The following RTL1 variants were observed in gnomAD, a reference collection of about 807,000 sequenced individuals.
The protein encoded by RTL1 is retrotransposon Gag like 1.
For synonymous variants in RTL1, 727 were observed against 748.4 expected, an observed-to-expected ratio of 0.97 and a Z score of 0.47; for missense variants, 1,681 against 1,767.5, an observed-to-expected ratio of 0.95 and a Z score of 0.88.
chr14:100,898,587 A>G (rs1255259403), intron 2 of RTL1, among the ~76,000 whole-genome samples: 1 of 152,242 alleles, frequency 6.6e-6, no homozygotes, highest in African/African-American at 2.4e-5. Flanking sequence ...AAGACCCTTT[A>G]GGGTCTGTCT....
In RTL1 at chr14:100,880,546, G is replaced by T. The variant is rs2038592339; in HGVS notation, c.*166C>A. 2 of 1,354,898 alleles carry T rather than the reference G, an allele frequency of 1.5e-6. No homozygotes were observed. Among genetic ancestry groups the T allele is most frequent in the East Asian group, 2.5e-5 (1 of 39,704 alleles). 83.9% of individuals were successfully genotyped at this position (1,354,898 alleles called of 1,614,324 possible). A position where few individuals can be genotyped will look rare whatever the true frequency, so the allele number is the denominator to read the frequency against. On this transcript the variant is annotated 3_prime_UTR_variant, in exon 4 of 4. Coordinates refer to ENST00000649591, the MANE Select transcript of RTL1 (RefSeq NM_001134888.3). ...TCCGTTAGCACAGGTGGCATTGCTGGTTGATGAGTTGAAGAAGTTGTTGCC... is the reference window on the plus strand; with the variant it reads ...TCCGTTAGCACAGGTGGCATTGCTGTTTGATGAGTTGAAGAAGTTGTTGCC...
Position 100,880,162 on chromosome 14 carries a change from G to T in RTL1, c.*550C>A, listed in dbSNP as rs2038585881. Among the ~76,000 whole-genome samples the T allele has an allele frequency of 6.7e-6, 1 of 149,682 alleles. No individual in the cohort carries two copies. Among genetic ancestry groups the T allele is most frequent in the South Asian group, 2.2e-4 (1 of 4,610 alleles). ...GGTGGGTTTGCTTGCAGGGTGTGAT[G>T]GGGGTGAGGGAGGCACCACATCATC... On this transcript the variant is annotated 3_prime_UTR_variant, in exon 4 of 4. Transcript: ENST00000649591.
intron 2 of RTL1, among the ~76,000 whole-genome samples, 46 bp downstream of exon 2, chr14:100,903,245 A>G (rs561442590): frequency 6.6e-6 from 1 of 152,248 alleles, no homozygotes; most frequent in South Asian, 2.1e-4. Flanking sequence ...TATGGGACAG[A>G]CATCCATCCA....
chr14:100,886,585 A>AATC (rs917010435), intron 3 of RTL1, among the ~76,000 whole-genome samples: 5 of 152,106 alleles, frequency 3.3e-5, no homozygotes, highest in African/African-American at 4.8e-5. Context: ...GAATTATAAG[A>AATC]ATCATCATCA....
chr14:100,903,213 G>T (rs11627449), intron 2 of RTL1, among the ~76,000 whole-genome samples, 78 bp downstream of exon 2: 22,104 of 152,084 alleles, frequency 0.15, 1,785 homozygotes, highest in Non-Finnish European at 0.18. Flanking sequence ...GAAACTCAGC[G>T]GGGTCCGGGC....
At position 100,882,526 on chromosome 14, in the gene RTL1, G is replaced by A. The variant is rs770514078; in HGVS notation, c.2263C>T (p.Arg755Cys). ...CAGTAGACGTTGTGATGGCGGAAGC[G>A]GACCAGGACTTGGCGGACGTGGTGG... ...HLHHVRQVLV[R>C]FRHHNVYCSL... The change falls in exon 4 of 4, where the codon CGC becomes TGC. Residue 755 changes from arginine (R) to cysteine (C), a missense_variant. Transcript: ENST00000649591. 3.2e-6 allele frequency: 5 copies of A among 1,551,898 alleles called. No homozygotes were observed. Among genetic ancestry groups the A allele is most frequent in the East Asian group, 2.4e-5 (1 of 40,904 alleles).
In RTL1 at chr14:100,884,466, T is replaced by C. The variant is rs547270545; in HGVS notation, c.323A>G (p.Gln108Arg). 4.6e-5 allele frequency: 75 copies of C among 1,614,210 alleles called. No individual in the cohort carries two copies. Among genetic ancestry groups the C allele is most frequent in the Admixed American group, 8.3e-5 (5 of 60,030 alleles). Residue 108 changes from glutamine (Q) to arginine (R), a missense_variant, in exon 4 of 4, where the codon CAG becomes CGG. Coordinates refer to ENST00000649591, the MANE Select transcript of RTL1 (RefSeq NM_001134888.3). ...TCCACTGAGTGGATCCCCCCTTGCCTGGTGTGAACCGTTGCATGACTCCTC... is the reference window on the plus strand; with the variant it reads ...TCCACTGAGTGGATCCCCCCTTGCCCGGTGTGAACCGTTGCATGACTCCTC... ...DLEESCNGSH[Q>R]ARGDPLSGAS...
Position 100,884,721 on chromosome 14 carries a change from ATT to A in RTL1, c.66_67del (p.Gln22HisfsTer50). On this transcript the variant is annotated frameshift_variant, in exon 4 of 4. Transcript: ENST00000649591. LOFTEE classifies it low-confidence loss of function (END_TRUNC). ...GTTGGATGAGCCCTCGGAGGACTCC[ATT>A]TGTTTTGATGATGGATTCTTATGCT... 6.2e-7 allele frequency: 1 copy of A among 1,610,768 alleles called. No homozygotes were observed. Among genetic ancestry groups the A allele is most frequent in the Non-Finnish European group, 8.5e-7 (1 of 1,178,876 alleles).
chr14:100,883,432 T>A lies in RTL1; in HGVS notation c.1357A>T (p.Lys453Ter), dbSNP rs1440696821. 6.5e-7 allele frequency: 1 copy of A among 1,550,250 alleles called. No individual in the cohort carries two copies. Among genetic ancestry groups the A allele is most frequent in the Non-Finnish European group, 8.7e-7 (1 of 1,146,100 alleles). The change falls in exon 4 of 4, where the codon AAG becomes TAG. Residue 453 changes from lysine (K) to a stop codon, truncating the protein, a stop_gained. Transcript: ENST00000649591. LOFTEE classifies it low-confidence loss of function (END_TRUNC). The surrounding 1 kb of genome is among the most constrained non-coding windows in gnomAD (Gnocchi z 5.9). The part of the protein sequence containing the change: ...AQEHYVELYE[K>*]PYPQPVQSVD... ...GATTGGACCGGCTGTGGGTACGGCT[T>A]CTCGTAGAGCTCGACGTAGTGCTCT...
At position 100,882,258 on chromosome 14, in the gene RTL1, T is replaced by G. The variant is rs1214043559; in HGVS notation, c.2531A>C (p.Tyr844Ser). 1.8e-5 allele frequency: 28 copies of G among 1,551,448 alleles called. No homozygotes were observed. Among genetic ancestry groups the G allele is most frequent in the Non-Finnish European group, 2.4e-5 (28 of 1,146,996 alleles). The change falls in exon 4 of 4, where the codon TAC (tyrosine) becomes TCC (serine). Residue 844 changes from tyrosine (Y) to serine (S), a missense_variant. Transcript: ENST00000649591. The part of the protein sequence containing the change: ...VRQLLSSYQF[Y>S]WGVEEQEAFE... ...GGCCTCTTGCTCCTCGACTCCCCAG[T>G]AGAACTGGTAGGAGCTCAGCAGCTG... is the stretch of plus-strand genomic sequence containing the variant.
At chr14:100,890,481 G>A (rs1364834575) in intron 3 of RTL1, among the ~76,000 whole-genome samples, 1 of 151,132 alleles carries the variant, frequency 6.6e-6, no homozygotes. Context: ...TAGGGGAGAG[G>A]TGAGGACAGG....
Position 100,882,380 on chromosome 14 carries a change from A to G in RTL1, c.2409T>C (p.Pro803=). 1.3e-6 allele frequency: 2 copies of G among 1,551,782 alleles called. No individual in the cohort carries two copies. The highest frequency in any genetic ancestry group is 1.7e-6 in the Non-Finnish European group (2 of 1,146,986). The change falls in exon 4 of 4, where the codon CCT becomes CCC. Residue 803 remains proline (P), a synonymous_variant. Transcript: ENST00000649591. ...AGTTTCGCAGAGATAGCTTGGAGCC[A>G]GGGGTAGGGTACCCTGTTATGATGG... The part of the protein sequence containing the change: ...VMTIITGYPT[P]GSKLSLRNFI...
chr14:100,898,153 A>AG (rs2038894589), intron 2 of RTL1: 1 of 216,296 alleles, frequency 4.6e-6, no homozygotes, highest in Non-Finnish European at 9.9e-6. Flanking sequence ...CCTAGCCGTC[A>AG]GGGTGGGTCA....
At chr14:100,897,254 T>G (rs2038870828) in intron 2 of RTL1, among the ~76,000 whole-genome samples, 1 of 152,222 alleles carries the variant, frequency 6.6e-6, no homozygotes, top group African/African-American at 2.4e-5. Flanking sequence ...TTGCTTTGTA[T>G]TTGTAAAAAC....
rs879122169 is a variant in RTL1 at position 100,903,706 on chromosome 14, G to A, written c.-346C>T. On this transcript the variant is annotated 5_prime_UTR_variant, in exon 1 of 4. Coordinates refer to ENST00000649591, the MANE Select transcript of RTL1 (RefSeq NM_001134888.3). ...GAAGGCTGCTCAGCGAGGCTGTGCCGAGTGCTGGGGGGGTGTGGGTGGGCA... is the reference window on the plus strand; with the variant it reads ...GAAGGCTGCTCAGCGAGGCTGTGCCAAGTGCTGGGGGGGTGTGGGTGGGCA... Among the ~76,000 whole-genome samples the A allele has an allele frequency of 3.9e-5, 6 of 152,178 alleles. No individual in the cohort carries two copies. Among genetic ancestry groups the A allele is most frequent in the Non-Finnish European group, 7.4e-5 (5 of 68,022 alleles).
At chr14:100,897,763 T>A (rs868138144) in intron 2 of RTL1, 3 of 27,426 alleles carry the variant, frequency 1.1e-4, no homozygotes, top group African/African-American at 1.9e-4. Flanking sequence ...GGGGGGGGGG[T>A]GGGGGGGTGG....
chr14:100,891,817 C>T (rs1218832231), intron 3 of RTL1, among the ~76,000 whole-genome samples: 1 of 152,148 alleles, frequency 6.6e-6, no homozygotes, highest in African/African-American at 2.4e-5. Context: ...GTCAACATGA[C>T]CTTCCTCTCC....
rs1269296241 is a variant in RTL1 at position 100,893,708 on chromosome 14, C to G, written c.-148-203G>C. Among the ~76,000 whole-genome samples the G allele has an allele frequency of 6.6e-6, 1 of 152,178 alleles. No individual in the cohort carries two copies. Among genetic ancestry groups the G allele is most frequent in the East Asian group, 1.9e-4 (1 of 5,178 alleles). ...TGCTTCCTGAGTGCTTACTATGCGC[C>G]AAGCGCTGCTTTCACCATTTTACAG... On this transcript the variant is annotated intron_variant, in intron 2 of 3. Transcript: ENST00000649591. This position sits in a 1 kb window ranked among gnomAD's most constrained non-coding sequence, Gnocchi z 4.2.
At chr14:100,886,865 A>G (rs2038703764) in intron 3 of RTL1, among the ~76,000 whole-genome samples, 1 of 152,210 alleles carries the variant, frequency 6.6e-6, no homozygotes, top group South Asian at 2.1e-4. Context: ...TTTAAAAACT[A>G]GATTATGCCC....
Sources: gnomAD v4.1 joint callset for allele counts (sites outside exome capture counted in the v4.1 genomes callset) on GRCh38, gnomAD v4.1.1 for gene constraint, Gnocchi (gnomAD v3.1) non-coding constraint, MANE v1.5 for transcripts, NCBI Gene and HGNC (gene_info 2026-07-23, HGNC 2026-07-21) for gene names.